Variants in SH3BP5 observed in about 807,000 individuals in gnomAD.
SH3BP5 encodes the protein SH3 domain binding protein 5.
A neutral mutation model predicts 43.3 loss-of-function variants in SH3BP5; 22 were observed. The observed-to-expected ratio is 0.51, with a 90% confidence interval of 0.36 to 0.73. The LOEUF is 0.73. Ranked by LOEUF, SH3BP5 falls within the 30% of genes least tolerant of loss-of-function variation. The probability of loss-of-function intolerance (pLI) is 0.00; values close to 1 mark genes in which losing one functional copy is unlikely to be tolerated. For synonymous variants in SH3BP5, 255 were observed against 225.8 expected, an observed-to-expected ratio of 1.13 and a Z score of -1.16; for missense variants, 529 against 586.9, an observed-to-expected ratio of 0.90 and a Z score of 1.02.
At chr3:15,257,288 G>A (rs1696247333) in intron 7 of SH3BP5, 175 bp from the exon 8 acceptor site, 1 of 569,880 alleles carries the variant, frequency 1.8e-6, no homozygotes, top group African/African-American at 1.9e-5. Context: ...CTCTAAAGCA[G>A]CTGGAAGGGA....
At chr3:15,279,412 C>G (rs919989019) in intron 3 of SH3BP5, among the ~76,000 whole-genome samples, 1 of 152,302 alleles carries the variant, frequency 6.6e-6, no homozygotes, top group South Asian at 2.1e-4. Context: ...GTACCATAGA[C>G]AGACTACAGA....
At chr3:15,261,092 A>G (rs1318243292) in intron 5 of SH3BP5, among the ~76,000 whole-genome samples, 1 of 152,158 alleles carries the variant, frequency 6.6e-6, no homozygotes, top group Non-Finnish European at 1.5e-5. Flanking sequence ...CACAGGTCCT[A>G]CAACAACCCT....
rs1696364394 is a variant in SH3BP5, at chr3:15,259,790, G to A, written c.640C>T (p.Leu214Phe). The A allele has an allele frequency of 1.2e-6, 2 of 1,613,988 alleles. No homozygotes were observed. Among genetic ancestry groups the A allele is most frequent in the Non-Finnish European group, 1.7e-6 (2 of 1,179,970 alleles). The change falls in exon 6 of 9, where the codon CTC (leucine) becomes TTC (phenylalanine). Residue 214 changes from leucine (L) to phenylalanine (F), a missense_variant. By Grantham distance (22) the Leu-to-Phe change is conservative. This residue lies in a region of SH3BP5 where 369 missense variants were observed against 384.3 expected (regional missense o/e 0.96). Transcript: ENST00000383791. Reference sequence around the variant, plus strand: ...AGCTGCACATAGTACTTTGCCTTGAGTTCAAAATAAGGCCTGCAGAAGACA... The same window carrying A: ...AGCTGCACATAGTACTTTGCCTTGAATTCAAAATAAGGCCTGCAGAAGACA... ...AINKSKPYFE[L>F]KAKYYVQLEQ...
intron 7 of SH3BP5, chr3:15,257,490 A>AT: frequency 5.8e-6 from 1 of 171,794 alleles, no homozygotes; most frequent in South Asian, 1.6e-4. Flanking sequence ...GTCCTCTGTA[A>AT]CATATCCCAA....
intron 3 of SH3BP5, among the ~76,000 whole-genome samples, chr3:15,303,637 G>A (rs1412913464): frequency 6.6e-6 from 1 of 151,316 alleles, no homozygotes; most frequent in African/African-American, 2.4e-5. Context: ...GATGGCCACG[G>A]AAGTCAGAAT....
At chr3:15,340,064 T>C (rs1439157675) in intron 1 of SH3BP5, among the ~76,000 whole-genome samples, 1 of 152,158 alleles carries the variant, frequency 6.6e-6, no homozygotes, top group Non-Finnish European at 1.5e-5. Context: ...CAGCTTGGGT[T>C]AACCAAGAAC....
At chr3:15,325,679 C>T (rs181888496) in intron 2 of SH3BP5, among the ~76,000 whole-genome samples, 22 of 152,282 alleles carry the variant, frequency 1.4e-4, no homozygotes, top group Admixed American at 1.1e-3. Flanking sequence ...TCCCCATCAC[C>T]GAAAATTGCC....
At chr3:15,303,690 A>G (rs1042668722) in intron 3 of SH3BP5, among the ~76,000 whole-genome samples, 1 of 151,246 alleles carries the variant, frequency 6.6e-6, no homozygotes. Flanking sequence ...AATCTTAAAA[A>G]GGAAAAAAAA....
At chr3:15,337,008 T>C (rs141683311), upstream of SH3BP5, among the ~76,000 whole-genome samples, 419 of 152,074 alleles carry the variant, frequency 2.8e-3, 3 homozygotes, top group Admixed American at 5.2e-3. Flanking sequence ...CTGTACTTAG[T>C]AGCTAAGCTA....
intron 2 of SH3BP5, among the ~76,000 whole-genome samples, chr3:15,318,398 T>C (rs937790676): frequency 2.0e-5 from 3 of 151,994 alleles, no homozygotes; most frequent in Non-Finnish European, 2.9e-5. Context: ...CTAGATAAGC[T>C]GATATAACTT....
chr3:15,269,526 G>A (rs1474735703), intron 4 of SH3BP5, among the ~76,000 whole-genome samples, 187 bp downstream of exon 4: 1 of 152,230 alleles, frequency 6.6e-6, no homozygotes, highest in Non-Finnish European at 1.5e-5. Flanking sequence ...GAGAGACACT[G>A]TGACTCATTC....
At chr3:15,325,597 G>A (rs571361122) in intron 2 of SH3BP5, among the ~76,000 whole-genome samples, 1 of 152,172 alleles carries the variant, frequency 6.6e-6, no homozygotes, top group Non-Finnish European at 1.5e-5. Flanking sequence ...ACTTTTTATT[G>A]CGTTTTCCAC....
intron 4 of SH3BP5, among the ~76,000 whole-genome samples, chr3:15,268,343 G>A (rs1182430657): frequency 6.6e-6 from 1 of 152,214 alleles, no homozygotes; most frequent in Non-Finnish European, 1.5e-5. Flanking sequence ...GCATTAACCT[G>A]CTGACTTTTC....
Position 15,311,306 on chromosome 3 carries a change from C to T in SH3BP5, c.202-7075G>A, listed in dbSNP as rs751411346. Among the ~76,000 whole-genome samples, 3 of 152,192 alleles carry T rather than the reference C, an allele frequency of 2.0e-5. No homozygotes were observed. The East Asian group carries it at 5.8e-4, about 29-fold the overall frequency. Reference sequence around the variant, plus strand: ...GGAGGCCAGGTGCGGTGGCTCACTCCTGTAATCCCAGCACTTTGGGAGGCT... The same window carrying T: ...GGAGGCCAGGTGCGGTGGCTCACTCTTGTAATCCCAGCACTTTGGGAGGCT... On this transcript the variant is annotated intron_variant, in intron 2 of 8. Coordinates refer to ENST00000383791, the MANE Select transcript of SH3BP5 (RefSeq NM_004844.5).
At chr3:15,337,404 A>C (rs1698714185), upstream of SH3BP5, among the ~76,000 whole-genome samples, 1 of 152,128 alleles carries the variant, frequency 6.6e-6, no homozygotes, top group Admixed American at 6.6e-5. Context: ...TTTTAAACTG[A>C]AGTTTGCAAG....
intron 3 of SH3BP5, among the ~76,000 whole-genome samples, chr3:15,274,455 A>G (rs1246330571): frequency 6.6e-6 from 1 of 152,058 alleles, no homozygotes; most frequent in Non-Finnish European, 1.5e-5. Context: ...CTGGACTTGG[A>G]TCCTGGGTGC....
At chr3:15,269,690 G>A (rs1210012406) in intron 4 of SH3BP5, 23 bp downstream of exon 4, 2 of 1,544,808 alleles carry the variant, frequency 1.3e-6, no homozygotes, top group East Asian at 2.3e-5. Flanking sequence ...CACCCCCACA[G>A]CACACCCGGC....
At chr3:15,322,557 G>T (rs900677062) in intron 2 of SH3BP5, among the ~76,000 whole-genome samples, 1 of 152,306 alleles carries the variant, frequency 6.6e-6, no homozygotes, top group Non-Finnish European at 1.5e-5. Context: ...AGCCTGGGAG[G>T]CCGGGTGTGG....
chr3:15,256,118 T>G lies in SH3BP5; in HGVS notation c.1336A>C (p.Ile446Leu), dbSNP rs1293543330. Reference protein sequence around the residue: ...LQCSKGRDGIIADIKMVQIG With the variant: ...LQCSKGRDGILADIKMVQIG ...ATCTGCACCATTTTTATGTCAGCAA[T>G]AATTCCATCTCTTCCCTTTGAGCAC... Residue 446 changes from isoleucine (I) to leucine (L), a missense_variant, in exon 9 of 9, where the codon ATT becomes CTT. Physicochemically the swap from Ile to Leu is conservative, Grantham distance 5. Transcript: ENST00000383791. 6.2e-7 allele frequency: 1 copy of G among 1,614,168 alleles called. No individual in the cohort carries two copies.
Sources: gnomAD v4.1 joint callset for allele counts (sites outside exome capture counted in the v4.1 genomes callset) on GRCh38, gnomAD v4.1.1 for gene constraint, gnomAD v4.1.1 regional missense constraint, MANE v1.5 for transcripts, NCBI Gene and HGNC (gene_info 2026-07-23, HGNC 2026-07-21) for gene names.